ADAMTSL3: variants seen among roughly 807,000 people sequenced by gnomAD.
The protein encoded by ADAMTSL3 is ADAMTS-like protein 3.
ADAMTSL3 carries 128 observed loss-of-function variants against 201.7 expected under a neutral mutation model. That is an observed-to-expected ratio of 0.63 (90% CI 0.55 to 0.73). ADAMTSL3 has a LOEUF of 0.73. Ranked by LOEUF, ADAMTSL3 falls within the 30% of genes least tolerant of loss-of-function variation. The pLI is 0.00. For synonymous variants in ADAMTSL3, 738 were observed against 748.4 expected, an observed-to-expected ratio of 0.99 and a Z score of 0.23; for missense variants, 1,990 against 2,119.6, an observed-to-expected ratio of 0.94 and a Z score of 1.20.
At chr15:83,785,077 T>C in intron 4 of ADAMTSL3, among the ~76,000 whole-genome samples, 1 of 152,226 alleles carries the variant, frequency 6.6e-6, no homozygotes. Context: ...ATGATAGCTT[T>C]GTTGGCAGAG....
chr15:83,827,138 G>A (rs907791993), intron 6 of ADAMTSL3, among the ~76,000 whole-genome samples: 1 of 152,166 alleles, frequency 6.6e-6, no homozygotes, highest in African/African-American at 2.4e-5. Flanking sequence ...CAGTGTAAAA[G>A]TGTTCCTATT....
At chr15:83,863,842 A>C (rs553151236) in intron 8 of ADAMTSL3, among the ~76,000 whole-genome samples, 2 of 152,208 alleles carry the variant, frequency 1.3e-5, no homozygotes, top group Admixed American at 6.5e-5. Context: ...TTTTTTGAAA[A>C]GATCAACAAA....
chr15:84,023,982 G>A (rs1438319021), intron 26 of ADAMTSL3, among the ~76,000 whole-genome samples: 3 of 152,198 alleles, frequency 2.0e-5, no homozygotes, highest in African/African-American at 4.8e-5. Context: ...ATCGCCGGGC[G>A]CAGTGGCTCA....
At position 83,861,993 on chromosome 15, in the gene ADAMTSL3, C is replaced by T. The variant is rs1202969398; in HGVS notation, c.802+3153C>T. ...AATGCACAAGCCTCAGTAGCCAATT[C>T]GATCAACTGGAAGAAAGGGTGTCCG... On this transcript the variant is annotated intron_variant, in intron 8 of 29. Transcript: ENST00000286744. 9.2e-5 allele frequency: 14 copies of T among 152,018 alleles called. 1 individual carries two copies. The highest frequency in any genetic ancestry group is 7.2e-4 in the Admixed American group (11 of 15,256). 9.4% of individuals were successfully genotyped at this position (152,018 alleles called of 1,614,324 possible). A position where few individuals can be genotyped will look rare whatever the true frequency, so the allele number is the denominator to read the frequency against.
intron 17 of ADAMTSL3, among the ~76,000 whole-genome samples, chr15:83,927,972 ATT>A (rs5814171): frequency 5.0e-4 from 74 of 146,972 alleles, no homozygotes; most frequent in Middle Eastern, 3.4e-3. Flanking sequence ...TGGCTGTGTG[ATT>A]TTTTTTTTTT....
intron 10 of ADAMTSL3, among the ~76,000 whole-genome samples, chr15:83,885,464 C>A (rs1292062665): frequency 2.0e-5 from 3 of 150,608 alleles, no homozygotes; most frequent in Non-Finnish European, 4.4e-5. Context: ...CAAAACAAAA[C>A]TGTAAACAAA....
chr15:83,766,811 A>G (rs1293219424), intron 3 of ADAMTSL3, among the ~76,000 whole-genome samples: 2 of 152,206 alleles, frequency 1.3e-5, no homozygotes, highest in Non-Finnish European at 2.9e-5. Flanking sequence ...ATTATAGATG[A>G]TGGCTGGGCG....
chr15:83,957,007 A>G (rs2066874976), intron 19 of ADAMTSL3, among the ~76,000 whole-genome samples: 1 of 152,174 alleles, frequency 6.6e-6, no homozygotes, highest in Admixed American at 6.5e-5. Flanking sequence ...GACATTTACA[A>G]CCATGTAAAA....
At chr15:83,852,056 T>C (rs2064626546) in intron 7 of ADAMTSL3, among the ~76,000 whole-genome samples, 1 of 152,186 alleles carries the variant, frequency 6.6e-6, no homozygotes, top group African/African-American at 2.4e-5. Flanking sequence ...TATAAACTTT[T>C]TTACAATTTC....
intron 2 of ADAMTSL3, among the ~76,000 whole-genome samples, chr15:83,660,489 G>A (rs1459095677): frequency 2.6e-5 from 4 of 152,272 alleles, no homozygotes; most frequent in South Asian, 4.1e-4. Flanking sequence ...TTGGCCCCTC[G>A]ACAAGTCATA....
chr15:83,910,171 C>T (rs1322865647), intron 15 of ADAMTSL3, among the ~76,000 whole-genome samples: 1 of 152,034 alleles, frequency 6.6e-6, no homozygotes, highest in African/African-American at 2.4e-5. Flanking sequence ...TTCCCTTTTA[C>T]TCTGTTGTTT....
At chr15:83,873,378 A>G (rs747718139) in intron 9 of ADAMTSL3, among the ~76,000 whole-genome samples, 2 of 145,706 alleles carry the variant, frequency 1.4e-5, no homozygotes, top group Non-Finnish European at 3.0e-5. Flanking sequence ...GGCCAAGTCA[A>G]GTAGTTGAAT....
intron 2 of ADAMTSL3, chr15:83,694,327 C>G (rs2061651597): frequency 6.6e-6 from 1 of 152,208 alleles, no homozygotes; most frequent in South Asian, 2.1e-4. Context: ...TGTCACCCCT[C>G]ACCGAGTGGC....
At chr15:83,879,802 T>C (rs2065238975) in intron 9 of ADAMTSL3, among the ~76,000 whole-genome samples, 1 of 151,164 alleles carries the variant, frequency 6.6e-6, no homozygotes, top group Admixed American at 6.6e-5. Context: ...TATTCTATCA[T>C]GAGAGATGTG....
chr15:83,819,496 G>A (rs1567165260), intron 5 of ADAMTSL3, among the ~76,000 whole-genome samples: 1 of 152,064 alleles, frequency 6.6e-6, no homozygotes, highest in Non-Finnish European at 1.5e-5. Context: ...TTATATTCAA[G>A]ATGGTTAAAA....
chr15:83,930,232 C>T (rs2066332241), intron 17 of ADAMTSL3, among the ~76,000 whole-genome samples: 1 of 152,122 alleles, frequency 6.6e-6, no homozygotes, highest in East Asian at 1.9e-4. Context: ...TCCAGTCTTT[C>T]ATTTTTGAGT....
chr15:83,924,068 G>T (rs2066202478), intron 17 of ADAMTSL3, 35 bp downstream of exon 17: 6 of 1,610,254 alleles, frequency 3.7e-6, no homozygotes, highest in Non-Finnish European at 5.1e-6. Context: ...TATATACCGT[G>T]TCCGGGTGGT....
chr15:83,685,991 G>C (rs1308952779), intron 2 of ADAMTSL3, among the ~76,000 whole-genome samples: 1 of 136,048 alleles, frequency 7.4e-6, no homozygotes, highest in Middle Eastern at 3.3e-3. Flanking sequence ...CCTCTTGCTG[G>C]CAGCTAGCTC....
At chr15:83,664,756 G>T (rs1286719506) in intron 2 of ADAMTSL3, among the ~76,000 whole-genome samples, 1 of 152,224 alleles carries the variant, frequency 6.6e-6, no homozygotes, top group Non-Finnish European at 1.5e-5. Context: ...AAGGCAGGAG[G>T]ATTAGTTGAG....
Sources: allele counts gnomAD v4.1 joint callset (sites outside exome capture counted in the v4.1 genomes callset), GRCh38; gene constraint gnomAD v4.1.1; transcripts MANE v1.5; gene names NCBI Gene and HGNC (gene_info 2026-07-23, HGNC 2026-07-21).